RFX6: variants seen among roughly 807,000 people sequenced by gnomAD.
RFX6 encodes regulatory factor X6.
Under a neutral mutation model 110.8 loss-of-function variants are expected in RFX6, and 50 were observed. The observed-to-expected ratio is 0.45, with a 90% CI of 0.36 to 0.57. RFX6 has a LOEUF of 0.57. Ranked by LOEUF, RFX6 falls within the 20% of genes least tolerant of loss-of-function variation. RFX6 has a pLI of 0.00. For synonymous variants in RFX6, 383 were observed against 411.2 expected (o/e 0.93, Z 0.83); for missense variants, 990 against 1,127.0 (o/e 0.88, Z 1.74).
At chr6:116,912,856 A>C (rs1240278667) in intron 7 of RFX6, among the ~76,000 whole-genome samples, 1 of 152,106 alleles carries the variant, frequency 6.6e-6, no homozygotes, top group African/African-American at 2.4e-5. Context: ...TGGTCTGTAG[A>C]TCATTTCTCA....
intron 12 of RFX6, among the ~76,000 whole-genome samples, chr6:116,921,587 G>A (rs1223208778): frequency 6.6e-6 from 1 of 152,072 alleles, no homozygotes; most frequent in African/African-American, 2.4e-5. Context: ...AGAGGCTGAG[G>A]TGGGAAGATT....
At chr6:116,893,569 T>C (rs1423956461) in intron 4 of RFX6, among the ~76,000 whole-genome samples, 6 of 152,110 alleles carry the variant, frequency 3.9e-5, no homozygotes, top group African/African-American at 1.2e-4. Context: ...ATGTGTGAGA[T>C]TGGTCTTCCC....
chr6:116,908,890 T>C (rs1174259976), intron 6 of RFX6, among the ~76,000 whole-genome samples: 1 of 152,204 alleles, frequency 6.6e-6, no homozygotes, highest in Non-Finnish European at 1.5e-5. Flanking sequence ...TTGTTTAATA[T>C]TTTGTTTAAT....
chr6:116,880,286 G>A (rs1173711749), intron 2 of RFX6, among the ~76,000 whole-genome samples: 1 of 152,028 alleles, frequency 6.6e-6, no homozygotes, highest in African/African-American at 2.4e-5. Context: ...CCTAATATTT[G>A]TGATGTGGAC....
intron 18 of RFX6, among the ~76,000 whole-genome samples, chr6:116,930,850 G>A (rs1775868164): frequency 6.6e-6 from 1 of 152,156 alleles, no homozygotes; most frequent in African/African-American, 2.4e-5. Flanking sequence ...CTTGGTTCAT[G>A]TTCCAAGGGT....
At chr6:116,920,244 TA>T in intron 11 of RFX6, 65 bp from the exon 12 acceptor site, 1 of 1,298,328 alleles carries the variant, frequency 7.7e-7, no homozygotes. Flanking sequence ...TTCTGATAGC[TA>T]AAAATTTCTT....
At chr6:116,901,705 A>C (rs1322573620) in intron 6 of RFX6, among the ~76,000 whole-genome samples, 2 of 152,198 alleles carry the variant, frequency 1.3e-5, no homozygotes, top group African/African-American at 4.8e-5. Flanking sequence ...TGATTGTCTC[A>C]CATATATTAC....
At chr6:116,923,480 GGTT>G (rs1308770787) in intron 14 of RFX6, 25 of 479,962 alleles carry the variant, frequency 5.2e-5, no homozygotes, top group Non-Finnish European at 4.9e-5. Context: ...CTCTTCGAAG[GGTT>G]GTATAGGTAC....
At chr6:116,931,272 T>C in intron 18 of RFX6, 59 bp from the exon 19 acceptor site, 14 of 1,274,766 alleles carry the variant, frequency 1.1e-5, no homozygotes, top group East Asian at 2.3e-5. Flanking sequence ...TGAGTGGCAT[T>C]TGCAGAGAAA....
At position 116,903,749 on chromosome 6, in the gene RFX6, G is replaced by C. The variant is rs561124322; in HGVS notation, c.673-7186G>C. Among the ~76,000 whole-genome samples, 6 of 152,100 alleles carry C rather than the reference G, an allele frequency of 3.9e-5. No homozygotes were observed. The South Asian group carries it at 1.2e-3, about 32-fold the overall frequency. ...CTGTTTTCCTTCAATGCTAGGTTTT[G>C]TGATTCTTTAATGCTGATATATGAA... is the stretch of plus-strand genomic sequence containing the variant. On this transcript the variant is annotated intron_variant, in intron 6 of 18. Coordinates refer to ENST00000332958, the MANE Select transcript of RFX6 (RefSeq NM_173560.4).
At chr6:116,913,653 TTAAG>T (rs1446063375) in intron 7 of RFX6, among the ~76,000 whole-genome samples, 4 of 152,242 alleles carry the variant, frequency 2.6e-5, no homozygotes, top group African/African-American at 4.8e-5. Context: ...AATAAACAAA[TTAAG>T]TATTATGCTA....
intron 6 of RFX6, among the ~76,000 whole-genome samples, chr6:116,906,535 T>G (rs1240505756): frequency 6.6e-6 from 1 of 152,202 alleles, no homozygotes; most frequent in African/African-American, 2.4e-5. Context: ...TTAATTTCTT[T>G]CAGCTCTTTT....
intron 6 of RFX6, 68 bp from the exon 7 acceptor site, chr6:116,910,867 A>G (rs1405808438): frequency 2.8e-6 from 3 of 1,060,128 alleles, no homozygotes; most frequent in Non-Finnish European, 4.4e-6. Context: ...TTTGTATTTT[A>G]CTAGAATAGT....
chr6:116,904,651 C>T (rs547529317), intron 6 of RFX6, among the ~76,000 whole-genome samples: 8 of 152,250 alleles, frequency 5.3e-5, no homozygotes, highest in African/African-American at 1.9e-4. Context: ...AAACTCTCTA[C>T]TCATTGAACA....
Position 116,919,150 on chromosome 6 carries a change from A to G in RFX6, c.1036A>G (p.Ile346Val), listed in dbSNP as rs1213194892. Residue 346 changes from isoleucine (I) to valine (V), a missense_variant, in exon 11 of 19, where the codon ATA (isoleucine) becomes GTA (valine). Transcript: ENST00000332958. ...QEMPESLLADIRNFAKNWEQW... is the reference protein window; with the variant it reads ...QEMPESLLADVRNFAKNWEQW... The stretch of plus-strand genomic sequence containing the variant: ...CCTTCTTTGTAGCTTATTAGCAGAC[A>G]TAAGAAATTTTGCTAAAAATTGGGA... The G allele has an allele frequency of 6.2e-7, 1 of 1,613,396 alleles. No homozygotes were observed. The highest frequency in any genetic ancestry group is 8.5e-7 in the Non-Finnish European group (1 of 1,179,442).
chr6:116,901,486 A>T (rs1022113202), intron 6 of RFX6, among the ~76,000 whole-genome samples: 6 of 152,208 alleles, frequency 3.9e-5, no homozygotes, highest in African/African-American at 1.4e-4. Context: ...TATAGAATTC[A>T]AGTCAATAAT....
At position 116,925,318 on chromosome 6, in the gene RFX6, C is replaced by T. The variant is rs944347510; in HGVS notation, c.1679-135C>T. On this transcript the variant is annotated intron_variant, in intron 15 of 18. Transcript: ENST00000332958. ...GCAAAGGTCTGCCAACCTCACTTCCCATGGGAAACATTGCTTAGTAGTTTC... is the reference window on the plus strand; with the variant it reads ...GCAAAGGTCTGCCAACCTCACTTCCTATGGGAAACATTGCTTAGTAGTTTC... 46 of 828,336 alleles carry T rather than the reference C, an allele frequency of 5.6e-5. No individual in the cohort carries two copies. In the African/African-American group the frequency reaches 7.2e-4, roughly 13 times the overall value. The allele number at this position is 828,336 out of a possible 1,614,324, so 51.3% of individuals were successfully genotyped here.
chr6:116,925,795 AT>A, intron 16 of RFX6, 136 bp downstream of exon 16: 1 of 685,670 alleles, frequency 1.5e-6, no homozygotes, highest in South Asian at 1.7e-5. Flanking sequence ...TTTAATAAAG[AT>A]TTATAATATT....
intron 6 of RFX6, among the ~76,000 whole-genome samples, chr6:116,900,743 T>G (rs1445347803): frequency 6.6e-6 from 1 of 152,136 alleles, no homozygotes; most frequent in Non-Finnish European, 1.5e-5. Flanking sequence ...GTAACCTAAA[T>G]GACTAATATC....
Sources: allele counts gnomAD v4.1 joint callset (sites outside exome capture counted in the v4.1 genomes callset), GRCh38; gene constraint gnomAD v4.1.1; transcripts MANE v1.5; gene names NCBI Gene and HGNC (gene_info 2026-07-23, HGNC 2026-07-21).